The following FSIP1 variants were observed in gnomAD, a reference collection of about 807,000 sequenced individuals.
FSIP1 encodes fibrous sheath-interacting protein 1.
In FSIP1, 65 loss-of-function variants were observed where a neutral mutation model predicts 60.9. The observed-to-expected ratio is 1.07, with a 90% CI of 0.87 to 1.31. The LOEUF is 1.31. Ranked by LOEUF, FSIP1 falls within the 40% of genes most tolerant of loss-of-function variation. The probability of loss-of-function intolerance (pLI) is 0.00; values close to 1 mark genes in which losing one functional copy is unlikely to be tolerated. For synonymous variants in FSIP1, 209 were observed against 221.2 expected (o/e 0.94, Z 0.49); for missense variants, 675 against 665.5 (o/e 1.01, Z -0.16).
intron 10 of FSIP1, among the ~76,000 whole-genome samples, chr15:39,687,877 T>C (rs949123504): frequency 1.3e-5 from 2 of 152,210 alleles, no homozygotes; most frequent in Non-Finnish European, 2.9e-5. Context: ...TGTACATCTA[T>C]ATGAGCATTT....
intron 6 of FSIP1, among the ~76,000 whole-genome samples, chr15:39,740,459 G>A (rs1282309674): frequency 1.3e-5 from 2 of 152,138 alleles, no homozygotes; most frequent in Non-Finnish European, 2.9e-5. Flanking sequence ...TGTTTTCTAT[G>A]TGTCGCATTA....
chr15:39,677,970 T>A (rs1360910753), intron 10 of FSIP1, among the ~76,000 whole-genome samples: 1 of 150,458 alleles, frequency 6.6e-6, no homozygotes, highest in African/African-American at 2.5e-5. Flanking sequence ...CACTACAGCC[T>A]AGTGACAGAG....
At chr15:39,710,092 C>T (rs941799139) in intron 10 of FSIP1, among the ~76,000 whole-genome samples, 45 of 152,216 alleles carry the variant, frequency 3.0e-4, no homozygotes, top group African/African-American at 1.1e-3. Context: ...TTGAAACACA[C>T]AGTATCTTCC....
chr15:39,719,117 A>AG (rs1566899972), intron 9 of FSIP1, among the ~76,000 whole-genome samples: 1 of 152,230 alleles, frequency 6.6e-6, no homozygotes, highest in African/African-American at 2.4e-5. Context: ...AGAGGCCAAG[A>AG]GGGGGCAAGA....
intron 10 of FSIP1, among the ~76,000 whole-genome samples, chr15:39,679,390 G>A (rs1894071341): frequency 6.6e-6 from 1 of 152,162 alleles, no homozygotes; most frequent in Non-Finnish European, 1.5e-5. Flanking sequence ...CCAAATTCTG[G>A]TCATAGGCTC....
intron 11 of FSIP1, 68 bp from the exon 12 acceptor site, chr15:39,600,994 C>T: frequency 8.1e-7 from 1 of 1,233,216 alleles, no homozygotes; most frequent in Non-Finnish European, 1.2e-6. Context: ...AGAAAAACAA[C>T]TCAGCCTATA....
At chr15:39,636,608 G>A (rs1320136693) in intron 10 of FSIP1, among the ~76,000 whole-genome samples, 5 of 152,120 alleles carry the variant, frequency 3.3e-5, no homozygotes, top group Non-Finnish European at 7.4e-5. Flanking sequence ...TTAGGGATTC[G>A]GGGTGCCCTG....
intron 10 of FSIP1, among the ~76,000 whole-genome samples, chr15:39,635,418 G>T (rs1325835181): frequency 1.3e-5 from 2 of 151,560 alleles, no homozygotes; most frequent in African/African-American, 2.4e-5. Flanking sequence ...ACTTTATCCT[G>T]AAGAGGACAC....
intron 5 of FSIP1, among the ~76,000 whole-genome samples, chr15:39,758,929 G>A (rs1450574587): frequency 6.6e-6 from 1 of 151,942 alleles, no homozygotes; most frequent in African/African-American, 2.4e-5. Context: ...GTGGGGAAAT[G>A]ACAGATTATC....
chr15:39,770,561 C>T lies in FSIP1; in HGVS notation c.176G>A (p.Ser59Asn). The T allele has an allele frequency of 6.3e-7, 1 of 1,596,552 alleles. No individual in the cohort carries two copies. The highest frequency in any genetic ancestry group is 1.3e-5 in the African/African-American group (1 of 74,140). The change falls in exon 3 of 12, where the codon AGC becomes AAC. Residue 59 changes from serine (S) to asparagine (N), a missense_variant. By Grantham distance (46) the Ser-to-Asn change is conservative. Transcript: ENST00000350221. ...AGTTCTTCTGTTCTCTGTATTACTG[C>T]TTTCGGAGTGGTCCTCTTTACCAGA... ...LNSGKEDHSE[S>N]SNTENRRTSN... is the part of the protein sequence containing the mutation.
intron 10 of FSIP1, among the ~76,000 whole-genome samples, chr15:39,678,548 C>T (rs550588524): frequency 3.3e-5 from 5 of 152,052 alleles, no homozygotes; most frequent in Non-Finnish European, 5.9e-5. Context: ...GTAATGTAAT[C>T]GGGAAACATA....
intron 10 of FSIP1, among the ~76,000 whole-genome samples, chr15:39,707,779 C>A (rs181026879): frequency 6.6e-6 from 1 of 152,150 alleles, no homozygotes; most frequent in African/African-American, 2.4e-5. Flanking sequence ...GCTCAGGGGA[C>A]CTGCCAAGGT....
At chr15:39,721,767 T>C (rs1298895852) in intron 9 of FSIP1, among the ~76,000 whole-genome samples, 1 of 152,224 alleles carries the variant, frequency 6.6e-6, no homozygotes, top group Non-Finnish European at 1.5e-5. Context: ...GCTATTCATC[T>C]CAATTCGGTA....
At chr15:39,614,769 A>G (rs1351719309) in intron 11 of FSIP1, among the ~76,000 whole-genome samples, 1 of 152,190 alleles carries the variant, frequency 6.6e-6, no homozygotes, top group Non-Finnish European at 1.5e-5. Context: ...ATCCAATGTC[A>G]TTTTCACAGA....
intron 10 of FSIP1, among the ~76,000 whole-genome samples, chr15:39,670,783 G>A (rs1893687482): frequency 6.6e-6 from 1 of 152,228 alleles, no homozygotes; most frequent in Non-Finnish European, 1.5e-5. Flanking sequence ...AATACTGAGT[G>A]TTTAGGAATG....
intron 10 of FSIP1, among the ~76,000 whole-genome samples, chr15:39,711,416 G>A (rs1292379517): frequency 6.6e-6 from 1 of 151,958 alleles, no homozygotes; most frequent in Non-Finnish European, 1.5e-5. Context: ...ATCACCTTGG[G>A]GACTAGGGTT....
intron 2 of FSIP1, among the ~76,000 whole-genome samples, chr15:39,772,160 T>G (rs757135360): frequency 2.0e-5 from 3 of 152,164 alleles, no homozygotes; most frequent in Non-Finnish European, 2.9e-5. Context: ...CCCACCCCAC[T>G]AGCTACCAAC....
chr15:39,704,319 C>T (rs1355782572), intron 10 of FSIP1, among the ~76,000 whole-genome samples: 1 of 152,182 alleles, frequency 6.6e-6, no homozygotes. Flanking sequence ...TTTTCCAATT[C>T]GGACCTTCAT....
At position 39,739,757 on chromosome 15, in the gene FSIP1, A is replaced by G. The variant is rs1464888384; in HGVS notation, c.688T>C (p.Leu230=). 5 of 1,587,240 alleles carry G rather than the reference A, an allele frequency of 3.2e-6. No individual in the cohort carries two copies. Among genetic ancestry groups the G allele is most frequent in the African/African-American group, 1.4e-5 (1 of 73,456 alleles). ...FTCDVERNES[L]IKSGKKPFSN... is the part of the protein sequence containing the mutation. The stretch of plus-strand genomic sequence containing the variant: ...AAAGGTTTCTTTCCTGATTTGATCA[A>G]TGACTCATTTCTTTCCACATCACAG... Residue 230 remains leucine, a synonymous_variant, in exon 7 of 12, where the codon TTG becomes CTG. Transcript: ENST00000350221.
Sources: gnomAD v4.1 joint callset for allele counts (sites outside exome capture counted in the v4.1 genomes callset) on GRCh38, gnomAD v4.1.1 for gene constraint, MANE v1.5 for transcripts, NCBI Gene and HGNC (gene_info 2026-07-23, HGNC 2026-07-21) for gene names.